BPI: variants seen among roughly 807,000 people sequenced by gnomAD.
BPI encodes bactericidal permeability increasing protein, also known as bactericidal permeability-increasing protein.
BPI carries 48 observed loss-of-function variants against 57.6 expected under a neutral mutation model. The ratio of observed to expected loss-of-function variants is 0.83; its 90% CI spans 0.66 to 1.06. The LOEUF (loss-of-function observed/expected upper bound fraction) is 1.06, where lower values mean the gene tolerates loss of function less well. Ranked by LOEUF, BPI falls within the 50% of genes least tolerant of loss-of-function variation. The pLI, the probability that BPI is intolerant of heterozygous loss-of-function variation, is 0.00. For missense variants in BPI, 651 were observed against 609.7 expected, an observed-to-expected ratio of 1.07 and a Z score of -0.71; for synonymous variants, 237 against 238.2, an observed-to-expected ratio of 0.99 and a Z score of 0.05.
intron 12 of BPI, among the ~76,000 whole-genome samples, chr20:38,333,549 C>T (rs911595476): frequency 5.2e-4 from 79 of 152,132 alleles, no homozygotes; most frequent in Non-Finnish European, 1.5e-4. Flanking sequence ...TGGAGTATAT[C>T]CTTCCTGACC....
intron 3 of BPI, among the ~76,000 whole-genome samples, chr20:38,309,396 G>T (rs1037425674): frequency 6.6e-6 from 1 of 152,096 alleles, no homozygotes; most frequent in Admixed American, 6.5e-5. Flanking sequence ...AACAACAATC[G>T]GCTGTCATCA....
At position 38,306,619 on chromosome 20, in the gene BPI, G is replaced by T. The variant is rs139604700; in HGVS notation, c.131-948G>T. Among the ~76,000 whole-genome samples, 86 of 152,290 alleles carry T rather than the reference G, an allele frequency of 5.6e-4. 1 individual carries two copies. The highest frequency in any genetic ancestry group is 1.9e-3 in the African/African-American group (81 of 41,570). On this transcript the variant is annotated intron_variant, in intron 1 of 14. Coordinates refer to ENST00000642449, the MANE Select transcript of BPI (RefSeq NM_001725.3). ...TGAATGAGCTGACTAGAAGCTGACCGGGTGAATATGGGAGGGAAGAATTTC... is the reference window on the plus strand; with the variant it reads ...TGAATGAGCTGACTAGAAGCTGACCTGGTGAATATGGGAGGGAAGAATTTC...
intron 5 of BPI, among the ~76,000 whole-genome samples, chr20:38,314,772 G>A (rs2076643788): frequency 7.0e-6 from 1 of 142,150 alleles, no homozygotes; most frequent in Admixed American, 7.0e-5. Context: ...GGTAATGGTG[G>A]GGATGATGAT....
At chr20:38,324,124 A>G in intron 8 of BPI, 78 bp downstream of exon 8, 1 of 1,503,660 alleles carries the variant, frequency 6.7e-7, no homozygotes, top group East Asian at 2.3e-5. Flanking sequence ...AATCTGGAAA[A>G]AGCTTTTCTC....
At position 38,337,195 on chromosome 20, in the gene BPI, G is replaced by A; in HGVS notation, c.*11G>A. ...GTTGTCTATAAATGAAGGCACCAGGGGTGCCGGGGGCTGTCAGCCACACCT... is the reference window on the plus strand; with the variant it reads ...GTTGTCTATAAATGAAGGCACCAGGAGTGCCGGGGGCTGTCAGCCACACCT... On this transcript the variant is annotated 3_prime_UTR_variant, in exon 15 of 15. Transcript: ENST00000642449. The A allele has an allele frequency of 6.3e-7, 1 of 1,584,226 alleles. No individual in the cohort carries two copies. Among genetic ancestry groups the A allele is most frequent in the Non-Finnish European group, 8.6e-7 (1 of 1,168,446 alleles).
chr20:38,331,661 T>C (rs939818574), intron 12 of BPI, among the ~76,000 whole-genome samples: 2 of 151,890 alleles, frequency 1.3e-5, no homozygotes, highest in Non-Finnish European at 2.9e-5. Context: ...CTGGGCAACA[T>C]AGCAAGACCT....
At chr20:38,323,127 C>G (rs894073006) in intron 7 of BPI, among the ~76,000 whole-genome samples, 5 of 152,050 alleles carry the variant, frequency 3.3e-5, no homozygotes, top group Admixed American at 6.5e-5. Context: ...CCTTGGGTGC[C>G]TCTCCCCCCA....
intron 1 of BPI, 39 bp downstream of exon 1, chr20:38,304,392 G>A: frequency 1.9e-6 from 3 of 1,605,966 alleles, no homozygotes; most frequent in East Asian, 2.2e-5. Context: ...CCACCCCTGA[G>A]GAGCACTTAC....
intron 2 of BPI, among the ~76,000 whole-genome samples, chr20:38,308,271 C>T (rs2076606089): frequency 6.6e-6 from 1 of 152,224 alleles, no homozygotes. Context: ...GAATGAAATA[C>T]ACTACTTGGC....
chr20:38,323,136 C>A (rs546527742), intron 7 of BPI, among the ~76,000 whole-genome samples: 6 of 152,278 alleles, frequency 3.9e-5, no homozygotes, highest in South Asian at 2.1e-4. Context: ...CCTCTCCCCC[C>A]ACCCCAGAAC....
At chr20:38,312,536 C>T (rs1378409088) in intron 5 of BPI, among the ~76,000 whole-genome samples, 10 of 152,266 alleles carry the variant, frequency 6.6e-5, no homozygotes, top group Admixed American at 6.5e-4. Context: ...TAAGAATCAT[C>T]TGAGCCTGTC....
chr20:38,318,282 G>A (rs1363037332), intron 5 of BPI, 131 bp from the exon 6 acceptor site: 1 of 1,193,508 alleles, frequency 8.4e-7, no homozygotes, highest in African/African-American at 1.5e-5. Context: ...AAAAAGAAAA[G>A]GGAAACTTGA....
Position 38,337,271 on chromosome 20 carries a change from C to A in BPI, c.*87C>A. The A allele has an allele frequency of 8.3e-7, 1 of 1,207,086 alleles. No individual in the cohort carries two copies. The highest frequency in any genetic ancestry group is 1.2e-6 in the Non-Finnish European group (1 of 855,960). The allele number at this position is 1,207,086 out of a possible 1,614,324, so 74.8% of individuals were successfully genotyped here. Reference sequence around the variant, plus strand: ...GCTGCCTTTCCCCAGGGAATCCTCTCCAGATCTTAACCAAGAGCCCCTTGC... The same window carrying A: ...GCTGCCTTTCCCCAGGGAATCCTCTACAGATCTTAACCAAGAGCCCCTTGC... On this transcript the variant is annotated 3_prime_UTR_variant, in exon 15 of 15. Transcript: ENST00000642449.
At chr20:38,331,153 G>A (rs2076740639) in intron 12 of BPI, 63 bp downstream of exon 12, 5 of 1,552,768 alleles carry the variant, frequency 3.2e-6, no homozygotes, top group Admixed American at 3.4e-5. Flanking sequence ...AGGGGGACAT[G>A]TCATAGGCTC....
intron 14 of BPI, among the ~76,000 whole-genome samples, chr20:38,336,019 C>T (rs2076765921): frequency 6.6e-6 from 1 of 152,214 alleles, no homozygotes; most frequent in Non-Finnish European, 1.5e-5. Context: ...ACCTTTTGCA[C>T]CCAGCATCAT....
rs770658143 is a variant in BPI at position 38,310,539 on chromosome 20, G to A, written c.423G>A (p.Ser141=). 65 of 1,614,008 alleles carry A rather than the reference G, an allele frequency of 4.0e-5. No individual in the cohort carries two copies. The highest frequency in any genetic ancestry group is 1.3e-4 in the East Asian group (6 of 44,904). Residue 141 remains serine, a synonymous_variant, in exon 4 of 15, where the codon TCG becomes TCA. Transcript: ENST00000642449. ...TGAGCATAGAAGGCATGTCCATTTC[G>A]GCTGATCTGAAGCTGGGCAGTAACC... is the stretch of plus-strand genomic sequence containing the variant. ...FDLSIEGMSI[S]ADLKLGSNPT...
intron 8 of BPI, 74 bp from the exon 9 acceptor site, chr20:38,324,700 C>T (rs2076703236): frequency 1.1e-5 from 14 of 1,266,232 alleles, no homozygotes; most frequent in East Asian, 7.0e-5. Flanking sequence ...CCTCTCACCC[C>T]GATACAGAAC....
At chr20:38,314,222 G>T (rs1297233731) in intron 5 of BPI, among the ~76,000 whole-genome samples, 1 of 149,482 alleles carries the variant, frequency 6.7e-6, no homozygotes, top group African/African-American at 2.5e-5. Context: ...TGATGGTGGT[G>T]ATGGTAATGG....
intron 3 of BPI, among the ~76,000 whole-genome samples, chr20:38,310,068 C>G (rs892087833): frequency 6.6e-6 from 1 of 152,234 alleles, no homozygotes; most frequent in Admixed American, 6.5e-5. Context: ...GAGTTATTAA[C>G]CTCATTACTG....
Sources: allele counts gnomAD v4.1 joint callset (sites outside exome capture counted in the v4.1 genomes callset), GRCh38; gene constraint gnomAD v4.1.1; transcripts MANE v1.5; gene names NCBI Gene and HGNC (gene_info 2026-07-23, HGNC 2026-07-21).